The following NAV2 variants were observed in gnomAD, a reference collection of about 807,000 sequenced individuals.
NAV2 encodes the protein helicase, APC down-regulated 1.
NAV2 carries 54 observed loss-of-function variants against 223.2 expected under a neutral mutation model. The ratio of observed to expected loss-of-function variants is 0.24; its 90% confidence interval spans 0.19 to 0.30. The LOEUF (loss-of-function observed/expected upper bound fraction) is 0.30. Among genes scored for constraint, NAV2 ranks in the 10% least tolerant of loss-of-function variants. The probability of loss-of-function intolerance (pLI) is 1.00; values close to 1 mark genes in which losing one functional copy is unlikely to be tolerated. For synonymous variants in NAV2, 1,279 were observed against 1,239.3 expected (o/e 1.03, Z -0.67); for missense variants, 2,806 against 3,147.5 (o/e 0.89, Z 2.60).
intron 9 of NAV2, among the ~76,000 whole-genome samples, chr11:19,947,751 C>T (rs1350741363): frequency 6.6e-6 from 1 of 152,192 alleles, no homozygotes; most frequent in African/African-American, 2.4e-5. Flanking sequence ...AGATTCTAGT[C>T]CATGTAACTT....
At chr11:20,028,999 C>T (rs1184333727) in intron 11 of NAV2, among the ~76,000 whole-genome samples, 6 of 152,184 alleles carry the variant, frequency 3.9e-5, no homozygotes, top group Admixed American at 3.9e-4. Flanking sequence ...GGGCCGCTAA[C>T]TCAGGGCTAC....
rs750927133 is a variant in NAV2 at position 20,103,323 on chromosome 11, C to T, written c.6486C>T (p.Pro2162=). ...CNSENNAVDM[P]LVIILDNLHH... ...GTGAGAACAATGCTGTGGACATGCC[C>T]CTCGTCATCATCCTGGACAACCTAC... is the stretch of plus-strand genomic sequence containing the variant. Residue 2162 remains proline, a synonymous_variant, in exon 33 of 38, where the codon CCC becomes CCT. Coordinates refer to ENST00000349880, the MANE Select transcript of NAV2 (RefSeq NM_145117.5). 9.0e-5 allele frequency: 146 copies of T among 1,614,042 alleles called. No individual in the cohort carries two copies. The highest frequency in any genetic ancestry group is 1.2e-4 in the Non-Finnish European group (141 of 1,180,002).
In NAV2 at chr11:19,725,033, T is replaced by G. The variant is rs867193969; in HGVS notation, c.267+11071T>G. Among the ~76,000 whole-genome samples the G allele has an allele frequency of 1.9e-4, 29 of 152,360 alleles. No homozygotes were observed. In the South Asian group the frequency reaches 3.3e-3, roughly 17 times the overall value. On this transcript the variant is annotated intron_variant, in intron 1 of 37. Transcript: ENST00000349880. ...AACACATTGTGCAAGCTAAAGCAGT[T>G]CATGTATGTAAAAGTGTGAGGCAGA...
At chr11:19,702,702 C>T (rs577184266) in intron 1 of NAV2, among the ~76,000 whole-genome samples, 15 of 151,730 alleles carry the variant, frequency 9.9e-5, no homozygotes, top group Admixed American at 4.6e-4. Context: ...TGCTTGAGTC[C>T]GGAAGGAGGA....
chr11:20,031,550 T>G (rs1290100292), intron 11 of NAV2, among the ~76,000 whole-genome samples: 1 of 152,222 alleles, frequency 6.6e-6, no homozygotes, highest in Non-Finnish European at 1.5e-5. Flanking sequence ...TTCTCATGGC[T>G]GGATCTCCCA....
Position 19,949,040 on chromosome 11 carries a change from G to A in NAV2, c.2605G>A (p.Val869Ile), listed in dbSNP as rs1314738893. Reference sequence around the variant, plus strand: ...CCCCGGCTACATGAGCGACGGGGATGTTCTGAGCAAGAACATCCGGACCGA... The same window carrying A: ...CCCCGGCTACATGAGCGACGGGGATATTCTGAGCAAGAACATCCGGACCGA... ...DAPGYMSDGD[V>I]LSKNIRTDDI... Residue 869 changes from valine (V) to isoleucine (I), a missense_variant, in exon 10 of 38, where the codon GTT (valine) becomes ATT (isoleucine). Coordinates refer to ENST00000349880, the MANE Select transcript of NAV2 (RefSeq NM_145117.5). 6.2e-7 allele frequency: 1 copy of A among 1,613,488 alleles called. No homozygotes were observed. Among genetic ancestry groups the A allele is most frequent in the Non-Finnish European group, 8.5e-7 (1 of 1,179,602 alleles).
intron 8 of NAV2, among the ~76,000 whole-genome samples, chr11:19,944,371 T>G (rs2046659365): frequency 6.6e-6 from 1 of 152,202 alleles, no homozygotes; most frequent in African/African-American, 2.4e-5. Context: ...TGGAATACTG[T>G]GGTCCTGACA....
intron 1 of NAV2, among the ~76,000 whole-genome samples, chr11:19,701,712 A>G (rs1351439543): frequency 6.6e-6 from 1 of 152,258 alleles, no homozygotes; most frequent in African/African-American, 2.4e-5. Flanking sequence ...ACAATTTAAT[A>G]GTGTCTTGCC....
chr11:19,363,279 G>A (rs1311261436), intron 1 of NAV2, among the ~76,000 whole-genome samples: 13 of 152,164 alleles, frequency 8.5e-5, no homozygotes, highest in African/African-American at 3.1e-4. Context: ...ATGGTTTCCA[G>A]CTTCATCCAT....
At position 20,091,032 on chromosome 11, in the gene NAV2, A is replaced by G. The variant is rs754649554; in HGVS notation, c.5652+14A>G. On this transcript the variant is annotated intron_variant, in intron 27 of 37. Coordinates refer to ENST00000349880, the MANE Select transcript of NAV2 (RefSeq NM_145117.5). ...AACAGGATGCAGGTGAGAGCCCAGG[A>G]GCATGGGCTGAGCTCAAGGCTGTCT... 1.1e-5 allele frequency: 18 copies of G among 1,611,490 alleles called. No individual in the cohort carries two copies. The Admixed American group carries it at 2.0e-4, about 18-fold the overall frequency.
intron 1 of NAV2, among the ~76,000 whole-genome samples, chr11:19,549,434 A>T (rs1446847469): frequency 6.6e-6 from 1 of 152,032 alleles, no homozygotes; most frequent in African/African-American, 2.4e-5. Flanking sequence ...CTCTTGGGGG[A>T]TGGAAGGACA....
At chr11:19,649,450 A>G (rs917013947) in intron 1 of NAV2, among the ~76,000 whole-genome samples, 5 of 152,216 alleles carry the variant, frequency 3.3e-5, no homozygotes, top group Non-Finnish European at 5.9e-5. Context: ...TTTGTTTCTC[A>G]CAGTTCTGGA....
chr11:19,786,859 G>A (rs372662586), intron 1 of NAV2, among the ~76,000 whole-genome samples: 5 of 152,256 alleles, frequency 3.3e-5, no homozygotes, highest in Middle Eastern at 3.4e-3. Context: ...GTGTGGTAGC[G>A]TGCACCTGTA....
rs1354271239 is a variant in NAV2, at chr11:20,045,497, A to G, written c.3729A>G (p.Pro1243=). 1 of 1,614,178 alleles carries G rather than the reference A, an allele frequency of 6.2e-7. No homozygotes were observed. The highest frequency in any genetic ancestry group is 1.3e-5 in the African/African-American group (1 of 75,048). ...AAACAGCCCTAGGCAGCTCTCTACC[A>G]GGTCTGGTCAACCAAACAGACAAGG... ...PSKTALGSSL[P]GLVNQTDKEK... is the part of the protein sequence containing the mutation. The change falls in exon 14 of 38, where the codon CCA becomes CCG. Residue 1243 remains proline, a synonymous_variant. Coordinates refer to ENST00000349880, the MANE Select transcript of NAV2 (RefSeq NM_145117.5).
At chr11:19,473,776 A>T (rs796305661) in intron 1 of NAV2, among the ~76,000 whole-genome samples, 57 of 152,332 alleles carry the variant, frequency 3.7e-4, no homozygotes, top group African/African-American at 1.3e-3. Flanking sequence ...GACTGATAGT[A>T]CATAACTCTG....
At position 19,460,233 on chromosome 11, in the gene NAV2, A is replaced by G. The variant is rs193012880; in HGVS notation, c.75+109206A>G. Among the ~76,000 whole-genome samples the G allele has an allele frequency of 4.1e-3, 620 of 152,222 alleles. 1 individual carries two copies. The highest frequency in any genetic ancestry group is 0.014 in the Middle Eastern group (4 of 294). ...ATCCAGGGACCTGATTCCACTGAAG[A>G]GTTTGAGGAAGTAGCTGCTGACTTA... On this transcript the variant is annotated intron_variant, in intron 1 of 37. Coordinates refer to the NAV2 transcript ENST00000360655.
At chr11:19,461,234 A>G (rs189587853) in intron 1 of NAV2, among the ~76,000 whole-genome samples, 1 of 152,258 alleles carries the variant, frequency 6.6e-6, no homozygotes, top group East Asian at 1.9e-4. Flanking sequence ...CTCAGCCTGC[A>G]CAGAATGATC....
chr11:19,780,319 C>T (rs1192331641), intron 1 of NAV2, among the ~76,000 whole-genome samples: 1 of 152,230 alleles, frequency 6.6e-6, no homozygotes, highest in Non-Finnish European at 1.5e-5. Flanking sequence ...GGGGCACAGC[C>T]ACAGAGCATA....
At position 19,723,286 on chromosome 11, in the gene NAV2, T is replaced by G. The variant is rs74232581; in HGVS notation, c.267+9324T>G. Among the ~76,000 whole-genome samples the G allele has an allele frequency of 4.0e-3, 614 of 152,340 alleles. 28 individuals are homozygous for G. In the East Asian group the frequency reaches 0.08, roughly 20 times the overall value. On this transcript the variant is annotated intron_variant, in intron 1 of 37. Coordinates refer to ENST00000349880, the MANE Select transcript of NAV2 (RefSeq NM_145117.5). ...TCAAACGAACTTTCTGAGCTGATAT[T>G]ATTGAACTTACTTTACCAGTAAGAA...
Sources: allele counts gnomAD v4.1 joint callset (sites outside exome capture counted in the v4.1 genomes callset), GRCh38; gene constraint gnomAD v4.1.1; transcripts MANE v1.5; gene names NCBI Gene and HGNC (gene_info 2026-07-23, HGNC 2026-07-21).